The following NTRK2 variants were observed in gnomAD, a reference collection of about 807,000 sequenced individuals.
NTRK2 encodes neurotrophic receptor tyrosine kinase 2.
Under a neutral mutation model 94.5 loss-of-function variants are expected in NTRK2, and 13 were observed. That is an observed-to-expected ratio of 0.14 (90% confidence interval 0.09 to 0.22). The LOEUF (loss-of-function observed/expected upper bound fraction) is 0.22. NTRK2 is among the 10% of genes least tolerant of loss of function. The pLI, the probability that NTRK2 is intolerant of heterozygous loss-of-function variation, is 1.00. For synonymous variants in NTRK2, 372 were observed against 407.4 expected, an observed-to-expected ratio of 0.91 and a Z score of 1.05; for missense variants, 639 against 1,071.2, an observed-to-expected ratio of 0.60 and a Z score of 5.63.
intron 17 of NTRK2, among the ~76,000 whole-genome samples, chr9:85,012,507 A>G (rs182651727): frequency 1.3e-5 from 2 of 152,200 alleles, no homozygotes; most frequent in East Asian, 1.9e-4. Context: ...TTAAAATATC[A>G]TGTAAAAGGA....
chr9:85,009,176 A>G (rs1831299108), intron 17 of NTRK2, among the ~76,000 whole-genome samples: 1 of 152,260 alleles, frequency 6.6e-6, no homozygotes, highest in Non-Finnish European at 1.5e-5. Flanking sequence ...CCATAGACTC[A>G]TGAAACCACA....
intron 17 of NTRK2, among the ~76,000 whole-genome samples, chr9:84,987,504 C>T (rs1408345723): frequency 6.6e-6 from 1 of 152,028 alleles, no homozygotes; most frequent in East Asian, 1.9e-4. Context: ...TTTATATTTC[C>T]CTCCTAGCTT....
intron 14 of NTRK2, chr9:84,873,349 G>A (rs2075941752): frequency 1.9e-6 from 2 of 1,058,532 alleles, no homozygotes; most frequent in African/African-American, 3.3e-5. Context: ...CCCAGCACGA[G>A]CATTAGGACA....
At chr9:84,877,754 C>T (rs1247094504) in intron 14 of NTRK2, 8 of 1,056,044 alleles carry the variant, frequency 7.6e-6, no homozygotes, top group African/African-American at 1.7e-5. Flanking sequence ...GGCTTGCCCA[C>T]GTGTATGTAT....
intron 17 of NTRK2, among the ~76,000 whole-genome samples, chr9:84,993,736 C>T (rs915994803): frequency 6.6e-6 from 1 of 152,222 alleles, no homozygotes; most frequent in East Asian, 1.9e-4. Flanking sequence ...CCTTGTGAAT[C>T]TCCCATTGTT....
At chr9:84,863,041 A>T (rs1334649613) in intron 13 of NTRK2, among the ~76,000 whole-genome samples, 1 of 152,108 alleles carries the variant, frequency 6.6e-6, no homozygotes, top group African/African-American at 2.4e-5. Flanking sequence ...CATCTGTAGG[A>T]ACTGACTCAC....
At chr9:84,929,562 CTT>C (rs559071090) in intron 14 of NTRK2, among the ~76,000 whole-genome samples, 8 of 142,938 alleles carry the variant, frequency 5.6e-5, no homozygotes, top group African/African-American at 5.1e-5. Flanking sequence ...AGTTTGGTTC[CTT>C]TTTTTTTTTT....
At chr9:84,894,886 C>T (rs1227978699) in intron 14 of NTRK2, among the ~76,000 whole-genome samples, 3 of 152,170 alleles carry the variant, frequency 2.0e-5, no homozygotes, top group African/African-American at 7.2e-5. Flanking sequence ...ATTGGACAGG[C>T]ATCAGAGAGG....
At chr9:84,694,983 C>A (rs2060277718) in intron 2 of NTRK2, among the ~76,000 whole-genome samples, 1 of 142,804 alleles carries the variant, frequency 7.0e-6, no homozygotes, top group Admixed American at 7.5e-5. Flanking sequence ...GGAGACCATC[C>A]TGGGGAGCTT....
At chr9:84,841,718 C>T (rs924885797) in intron 12 of NTRK2, among the ~76,000 whole-genome samples, 3 of 152,210 alleles carry the variant, frequency 2.0e-5, no homozygotes, top group Non-Finnish European at 2.9e-5. Flanking sequence ...ATGGTCAGAG[C>T]ACTTGCCACT....
At chr9:84,915,261 C>T (rs866503561) in intron 14 of NTRK2, among the ~76,000 whole-genome samples, 1 of 152,098 alleles carries the variant, frequency 6.6e-6, no homozygotes, top group Admixed American at 6.5e-5. Context: ...GTATGTTACT[C>T]TATGGTTTGT....
intron 17 of NTRK2, among the ~76,000 whole-genome samples, chr9:84,982,002 G>T (rs1405666506): frequency 6.6e-6 from 1 of 152,178 alleles, no homozygotes; most frequent in Non-Finnish European, 1.5e-5. Flanking sequence ...CATTGCCTTT[G>T]TTACTGCATA....
At chr9:84,866,935 A>T (rs2075622813) in intron 13 of NTRK2, among the ~76,000 whole-genome samples, 1 of 152,230 alleles carries the variant, frequency 6.6e-6, no homozygotes, top group South Asian at 2.1e-4. Context: ...TCTTAAAAAC[A>T]TGATGTTAAG....
At chr9:84,860,832 CA>C (rs2075300014) in intron 12 of NTRK2, among the ~76,000 whole-genome samples, 1 of 152,082 alleles carries the variant, frequency 6.6e-6, no homozygotes, top group South Asian at 2.1e-4. Context: ...AATCTCTACA[CA>C]AAAATCCAAG....
chr9:84,912,258 C>A (rs1231545257), intron 14 of NTRK2, among the ~76,000 whole-genome samples: 2 of 151,986 alleles, frequency 1.3e-5, no homozygotes, highest in Non-Finnish European at 1.5e-5. Context: ...GTCCATTAGA[C>A]CTTTTTGGTT....
At chr9:84,842,325 C>T (rs1029750579) in intron 12 of NTRK2, among the ~76,000 whole-genome samples, 8 of 152,098 alleles carry the variant, frequency 5.3e-5, no homozygotes, top group African/African-American at 1.7e-4. Flanking sequence ...TGGCTGCCAG[C>T]GTTATCATCA....
At chr9:84,876,446 A>G (rs2076070954) in intron 14 of NTRK2, 1 of 1,055,150 alleles carries the variant, frequency 9.5e-7, no homozygotes, top group African/African-American at 1.7e-5. Context: ...ACACCCAAAG[A>G]GTTTACTTTT....
At chr9:84,782,241 G>A (rs557645514) in intron 12 of NTRK2, among the ~76,000 whole-genome samples, 2 of 152,274 alleles carry the variant, frequency 1.3e-5, no homozygotes, top group South Asian at 2.1e-4. Flanking sequence ...CAGGACTCAT[G>A]TTTTTATAGA....
chr9:84,980,547 A>G (rs1352918289), intron 17 of NTRK2, among the ~76,000 whole-genome samples: 1 of 152,220 alleles, frequency 6.6e-6, no homozygotes, highest in East Asian at 1.9e-4. Flanking sequence ...TGAGAAGATA[A>G]TGATTAAATG....
Sources: allele counts gnomAD v4.1 joint callset (sites outside exome capture counted in the v4.1 genomes callset), GRCh38; gene constraint gnomAD v4.1.1; transcripts MANE v1.5; gene names NCBI Gene and HGNC (gene_info 2026-07-23, HGNC 2026-07-21).